Variants in OXR1 observed in about 807,000 individuals in gnomAD.
OXR1 encodes oxidation resistance 1.
A neutral mutation model predicts 104.6 loss-of-function variants in OXR1; 41 were observed. The ratio of observed to expected loss-of-function variants is 0.39; its 90% CI spans 0.31 to 0.51. The LOEUF (loss-of-function observed/expected upper bound fraction) is 0.51. OXR1 is among the 20% of genes least tolerant of loss of function. The probability of loss-of-function intolerance (pLI) is 0.77; values close to 1 mark genes in which losing one functional copy is unlikely to be tolerated. For synonymous variants in OXR1, 348 were observed against 348.4 expected, an observed-to-expected ratio of 1.00 and a Z score of 0.01; for missense variants, 955 against 1,031.9, an observed-to-expected ratio of 0.93 and a Z score of 1.02.
At chr8:106,559,016 T>C (rs1039530862) in intron 3 of OXR1, among the ~76,000 whole-genome samples, 1 of 152,206 alleles carries the variant, frequency 6.6e-6, no homozygotes, top group African/African-American at 2.4e-5. Context: ...GATTATAAAT[T>C]TCACCTTTAA....
In OXR1 at chr8:106,743,631, T is replaced by A. The variant is rs543356498; in HGVS notation, c.2412+1314T>A. ...CCACCACGCCCAACTGAAAAAGGAATGTTTTTACCCTGTTGGTGGGAGTGT... is the reference window on the plus strand; with the variant it reads ...CCACCACGCCCAACTGAAAAAGGAAAGTTTTTACCCTGTTGGTGGGAGTGT... On this transcript the variant is annotated intron_variant, in intron 15 of 16. Coordinates refer to ENST00000517566, the MANE Select transcript of OXR1 (RefSeq NM_001198533.2). Among the ~76,000 whole-genome samples the A allele has an allele frequency of 9.8e-5, 15 of 152,300 alleles. No homozygotes were observed. In the South Asian group the frequency reaches 3.1e-3, roughly 32 times the overall value.
At chr8:106,411,392 G>A (rs2130507093) in intron 2 of OXR1, among the ~76,000 whole-genome samples, 1 of 152,234 alleles carries the variant, frequency 6.6e-6, no homozygotes, top group Admixed American at 6.5e-5. Context: ...GTGTACAAAT[G>A]GCACATAATG....
At chr8:106,642,814 C>T (rs1271896265) in intron 3 of OXR1, among the ~76,000 whole-genome samples, 1 of 152,198 alleles carries the variant, frequency 6.6e-6, no homozygotes, top group African/African-American at 2.4e-5. Flanking sequence ...ATAGAAACAT[C>T]ATAGACTTGA....
intron 2 of OXR1, among the ~76,000 whole-genome samples, chr8:106,376,173 C>T (rs145130903): frequency 1.1e-4 from 17 of 152,258 alleles, no homozygotes; most frequent in South Asian, 6.2e-4. Flanking sequence ...TGTGAATTAG[C>T]GCTGTGGCTC....
At chr8:106,508,242 C>T (rs1812295730) in intron 2 of OXR1, among the ~76,000 whole-genome samples, 1 of 152,166 alleles carries the variant, frequency 6.6e-6, no homozygotes. Flanking sequence ...ATCATGTTCT[C>T]TTCTGTAATA....
intron 3 of OXR1, among the ~76,000 whole-genome samples, chr8:106,544,667 C>A (rs779321224): frequency 2.0e-5 from 3 of 152,076 alleles, no homozygotes; most frequent in Non-Finnish European, 4.4e-5. Context: ...TGAATCTCGT[C>A]ATCACAAGAG....
intron 3 of OXR1, among the ~76,000 whole-genome samples, chr8:106,536,624 T>A (rs1814560863): frequency 6.6e-6 from 1 of 151,844 alleles, no homozygotes; most frequent in Admixed American, 6.6e-5. Flanking sequence ...TTTTTTAAAT[T>A]TTTTTTTTAA....
Position 106,554,768 on chromosome 8 carries a change from A to G in OXR1, c.220+35629A>G, listed in dbSNP as rs551437309. 3.9e-5 allele frequency among the ~76,000 whole-genome samples: 6 copies of G among 152,314 alleles called. No individual in the cohort carries two copies. The East Asian group carries it at 7.7e-4, about 20-fold the overall frequency. ...AGAACCAGTGCTCTAAGCCAATGTT[A>G]GTTGACCTTGGTTGTCCATTAGAAT... On this transcript the variant is annotated intron_variant, in intron 3 of 16. Transcript: ENST00000517566.
intron 2 of OXR1, among the ~76,000 whole-genome samples, chr8:106,482,781 A>G (rs546934449): frequency 6.6e-6 from 1 of 152,116 alleles, no homozygotes; most frequent in South Asian, 2.1e-4. Context: ...TTAAGTATGG[A>G]CCATCTGTTC....
At chr8:106,630,148 G>C (rs1383241874) in intron 3 of OXR1, among the ~76,000 whole-genome samples, 1 of 152,144 alleles carries the variant, frequency 6.6e-6, no homozygotes, top group Non-Finnish European at 1.5e-5. Context: ...GCCTGGGTTT[G>C]GGTCCTAGCG....
intron 1 of OXR1, among the ~76,000 whole-genome samples, chr8:106,287,650 C>A (rs1444233569): frequency 2.7e-5 from 3 of 110,616 alleles, no homozygotes; most frequent in African/African-American, 4.6e-5. Context: ...GAAGAACATC[C>A]CATTTCAAAA....
At chr8:106,528,469 G>T (rs998631623) in intron 3 of OXR1, among the ~76,000 whole-genome samples, 2 of 152,100 alleles carry the variant, frequency 1.3e-5, no homozygotes, top group Admixed American at 1.3e-4. Flanking sequence ...ACCCCAGGCT[G>T]CTTACATATT....
At position 106,727,229 on chromosome 8, in the gene OXR1, T is replaced by C. The variant is rs1036022370; in HGVS notation, c.1957-10291T>C. Among the ~76,000 whole-genome samples the C allele has an allele frequency of 3.6e-5, 5 of 137,048 alleles. No individual in the cohort carries two copies. In the East Asian group the frequency reaches 1.0e-3, roughly 27 times the overall value. The allele number at this position is 137,048 out of a possible 152,430, so 89.9% of individuals were successfully genotyped here. A position where few individuals can be genotyped will look rare whatever the true frequency, so the allele number is the denominator to read the frequency against. On this transcript the variant is annotated intron_variant, in intron 11 of 16. Coordinates refer to ENST00000517566, the MANE Select transcript of OXR1 (RefSeq NM_001198533.2). ...TTTTAAACCAAGAACAATGAAGCTA[T>C]TCATACATTTTTTTTATTTGAAGTT...
chr8:106,592,808 C>A (rs1244686202), intron 3 of OXR1, among the ~76,000 whole-genome samples: 1 of 152,098 alleles, frequency 6.6e-6, no homozygotes, highest in East Asian at 1.9e-4. Flanking sequence ...TCAATCAGAG[C>A]ACCAACCTGA....
In OXR1 at chr8:106,692,739, C is replaced by A; in HGVS notation, c.537C>A (p.Val179=). The A allele has an allele frequency of 1.4e-6, 2 of 1,467,812 alleles. No individual in the cohort carries two copies. The allele number at this position is 1,467,812 out of a possible 1,614,324, so 90.9% of individuals were successfully genotyped here. A position where few individuals can be genotyped will look rare whatever the true frequency, so the allele number is the denominator to read the frequency against. ...AAAAAAAAAAAAAGAATCCTGATGTCCATCCAACAGAAGCAACTCCCTCAT... is the reference window on the plus strand; with the variant it reads ...AAAAAAAAAAAAAGAATCCTGATGTACATCCAACAGAAGCAACTCCCTCAT... ...AEFDKTTNPD[V]HPTEATPSST... The change falls in exon 7 of 17, where the codon GTC becomes GTA. Residue 179 remains valine (V), a synonymous_variant. Transcript: ENST00000517566.
At chr8:106,310,288 C>A (rs1174566546) in intron 1 of OXR1, among the ~76,000 whole-genome samples, 1 of 146,388 alleles carries the variant, frequency 6.8e-6, no homozygotes, top group Non-Finnish European at 1.5e-5. Context: ...TAAACAACTT[C>A]TCAATAACTT....
chr8:106,386,075 A>G (rs770491343), intron 2 of OXR1, among the ~76,000 whole-genome samples: 2 of 152,048 alleles, frequency 1.3e-5, no homozygotes, highest in African/African-American at 2.4e-5. Flanking sequence ...AGCAGTGGGC[A>G]GCAGCAGCAG....
At chr8:106,325,920 C>T (rs1814450998) in intron 1 of OXR1, among the ~76,000 whole-genome samples, 1 of 152,084 alleles carries the variant, frequency 6.6e-6, no homozygotes. Context: ...AAGAAGAATA[C>T]ATTTAGGTGA....
intron 1 of OXR1, among the ~76,000 whole-genome samples, chr8:106,349,307 A>G (rs1013654436): frequency 2.0e-5 from 3 of 152,202 alleles, no homozygotes; most frequent in African/African-American, 7.2e-5. Context: ...TGCCCAAAGA[A>G]TTTAACTTTT....
Sources: allele counts gnomAD v4.1 joint callset (sites outside exome capture counted in the v4.1 genomes callset), GRCh38; gene constraint gnomAD v4.1.1; transcripts MANE v1.5; gene names NCBI Gene and HGNC (gene_info 2026-07-23, HGNC 2026-07-21).